CENPO: variants seen among roughly 807,000 people sequenced by gnomAD.
The protein encoded by CENPO is centromeric protein O.
In CENPO, 30 loss-of-function variants were observed where a neutral mutation model predicts 36.1. The observed-to-expected ratio is 0.83, with a 90% CI of 0.62 to 1.13. The LOEUF (loss-of-function observed/expected upper bound fraction) is 1.13, where lower values mean the gene tolerates loss of function less well. CENPO is among the 50% of genes most tolerant of loss of function. The probability of loss-of-function intolerance (pLI) is 0.00; values close to 1 mark genes in which losing one functional copy is unlikely to be tolerated. For synonymous variants in CENPO, 171 were observed against 142.3 expected, an observed-to-expected ratio of 1.20 and a Z score of -1.44; for missense variants, 349 against 357.8, an observed-to-expected ratio of 0.98 and a Z score of 0.20.
chr2:24,801,271 G>T (rs1666155221), intron 3 of CENPO, among the ~76,000 whole-genome samples: 1 of 152,194 alleles, frequency 6.6e-6, no homozygotes, highest in Non-Finnish European at 1.5e-5. Context: ...CTCCCATTCT[G>T]TAGGTTGCCT....
intron 3 of CENPO, among the ~76,000 whole-genome samples, chr2:24,804,892 G>C (rs1666317306): frequency 6.6e-6 from 1 of 152,196 alleles, no homozygotes; most frequent in South Asian, 2.1e-4. Flanking sequence ...GTTTGGGGAA[G>C]TTCTCCTGGA....
intron 3 of CENPO, 103 bp downstream of exon 3, chr2:24,799,947 AT>A (rs1666089017): frequency 1.6e-6 from 2 of 1,280,500 alleles, no homozygotes; most frequent in Non-Finnish European, 2.2e-6. Flanking sequence ...TTTACTTGTG[AT>A]CTTACTGGAT....
Position 24,819,753 on chromosome 2 carries a change from A to G in CENPO, c.*435A>G, listed in dbSNP as rs7945. On this transcript the variant is annotated 3_prime_UTR_variant, in exon 8 of 8. Coordinates refer to ENST00000380834, the MANE Select transcript of CENPO (RefSeq NM_001322101.2). The stretch of plus-strand genomic sequence containing the variant: ...CCTATGCTGGGGACACTACAGGCAC[A>G]CACAGGAATAGCAGGGCCACCCTCA... The G allele has an allele frequency of 0.19, 125,446 of 652,184 alleles. 13,543 individuals carry two copies. Among genetic ancestry groups the G allele is most frequent in the Non-Finnish European group, 0.23 (85,390 of 379,092 alleles). 40.4% of individuals were successfully genotyped at this position (652,184 alleles called of 1,614,324 possible). A position where few individuals can be genotyped will look rare whatever the true frequency, so the allele number is the denominator to read the frequency against.
chr2:24,817,483 T>G (rs1667001764), intron 6 of CENPO, among the ~76,000 whole-genome samples, 187 bp from the exon 7 acceptor site: 2 of 39,572 alleles, frequency 5.1e-5, no homozygotes, highest in African/African-American at 1.4e-4. Flanking sequence ...AAAAGCTGTA[T>G]GGGTCCAGTG....
In CENPO at chr2:24,816,794, C is replaced by G. The variant is rs1239451862; in HGVS notation, c.743C>G (p.Thr248Ser). The stretch of plus-strand genomic sequence containing the variant: ...AAGGACCTCACAGCAACTCTTCCCA[C>G]TGACGTCACCGTGACATGTCAAGGT... ...LYKDLTATLPTDVTVTCQGVE... is the reference protein window; with the variant it reads ...LYKDLTATLPSDVTVTCQGVE... The change falls in exon 6 of 8, where the codon ACT (threonine) becomes AGT (serine). Residue 248 changes from threonine (T) to serine (S), a missense_variant. Physicochemically the swap from Thr to Ser is moderately conservative, Grantham distance 58. Transcript: ENST00000380834. 2 of 1,604,726 alleles carry G rather than the reference C, an allele frequency of 1.2e-6. No homozygotes were observed. The highest frequency in any genetic ancestry group is 1.7e-6 in the Non-Finnish European group (2 of 1,175,808).
chr2:24,812,335 C>T (rs184600961), intron 3 of CENPO, among the ~76,000 whole-genome samples: 183 of 151,616 alleles, frequency 1.2e-3, no homozygotes, highest in Admixed American at 9.8e-4. Context: ...TCTTTTTCTT[C>T]GGGCTTAAGA....
intron 3 of CENPO, 91 bp downstream of exon 3, chr2:24,799,935 G>T (rs536798407): frequency 2.2e-6 from 3 of 1,372,786 alleles, no homozygotes; most frequent in Non-Finnish European, 3.1e-6. Flanking sequence ...TTTATAATGT[G>T]TTTTACTTGT....
At chr2:24,804,991 A>G (rs997728097) in intron 3 of CENPO, among the ~76,000 whole-genome samples, 1 of 152,206 alleles carries the variant, frequency 6.6e-6, no homozygotes, top group Non-Finnish European at 1.5e-5. Context: ...GTCTTTTCAC[A>G]TAGTCCCATA....
At chr2:24,814,259 C>T (rs1666834298) in intron 3 of CENPO, 117 bp from the exon 4 acceptor site, 1 of 699,552 alleles carries the variant, frequency 1.4e-6, no homozygotes, top group African/African-American at 1.8e-5. Flanking sequence ...GCCACTGTAG[C>T]ATTTCTTGAT....
chr2:24,807,735 A>T (rs988802057), intron 3 of CENPO, among the ~76,000 whole-genome samples: 1 of 152,258 alleles, frequency 6.6e-6, no homozygotes, highest in Non-Finnish European at 1.5e-5. Context: ...TGATTGTACC[A>T]GTTTTACATT....
chr2:24,798,330 G>T (rs901703388), intron 2 of CENPO, among the ~76,000 whole-genome samples: 1 of 152,048 alleles, frequency 6.6e-6, no homozygotes, highest in Non-Finnish European at 1.5e-5. Context: ...ACTTGAGCGT[G>T]TGTGGAAGGG....
At position 24,821,583 on chromosome 2, in the gene CENPO, G is replaced by A; in HGVS notation, c.*2265G>A. ...TTGGTGAGCGTATCCTTCATGGCCA[G>A]CGCGAAGTCGGCCAGGTCAGCCAGG... On this transcript the variant is annotated 3_prime_UTR_variant, in exon 8 of 8. Coordinates refer to ENST00000380834, the MANE Select transcript of CENPO (RefSeq NM_001322101.2). 1 of 1,614,152 alleles carries A rather than the reference G, an allele frequency of 6.2e-7. No homozygotes were observed. The highest frequency in any genetic ancestry group is 8.5e-7 in the Non-Finnish European group (1 of 1,180,010).
intron 3 of CENPO, among the ~76,000 whole-genome samples, chr2:24,802,664 C>T (rs2148262033): frequency 6.6e-6 from 1 of 152,320 alleles, no homozygotes; most frequent in East Asian, 1.9e-4. Context: ...AGCCTTGCAT[C>T]CCAGGGATGA....
intron 3 of CENPO, among the ~76,000 whole-genome samples, chr2:24,800,595 C>A (rs570651284): frequency 6.6e-6 from 1 of 151,052 alleles, no homozygotes; most frequent in Non-Finnish European, 1.5e-5. Flanking sequence ...TTTGTCCTTG[C>A]GATAGTTTGC....
At chr2:24,808,237 G>A (rs34294368) in intron 3 of CENPO, among the ~76,000 whole-genome samples, 48,375 of 151,466 alleles carry the variant, frequency 0.32, 9,611 homozygotes, top group East Asian at 0.59. Context: ...TTGTTTTTGA[G>A]ACAGAGTCTC....
Position 24,799,767 on chromosome 2 carries a change from G to A in CENPO, c.139G>A (p.Ala47Thr). The A allele has an allele frequency of 6.2e-7, 1 of 1,614,052 alleles. No homozygotes were observed. Reference protein sequence around the residue: ...ELQSVQAQEGALGTKIHKLRR... With the variant: ...ELQSVQAQEGTLGTKIHKLRR... ...GCAGAGCGTGCAGGCCCAGGAAGGT[G>A]CTCTTGGAACCAAGATTCATAAACT... Residue 47 changes from alanine (A) to threonine (T), a missense_variant, in exon 3 of 8, where the codon GCT becomes ACT. By Grantham distance (58) the Ala-to-Thr change is moderately conservative. Transcript: ENST00000380834.
chr2:24,820,714 C>CT lies in CENPO; in HGVS notation c.*1397dup. ...GTCTGAGCACGTGCCAGCTGTGCCACTGGACATACCTGAATGTTGCCCATG... is the reference window on the plus strand; with the variant it reads ...GTCTGAGCACGTGCCAGCTGTGCCACTTGGACATACCTGAATGTTGCCCATG... On this transcript the variant is annotated 3_prime_UTR_variant, in exon 8 of 8. Coordinates refer to ENST00000380834, the MANE Select transcript of CENPO (RefSeq NM_001322101.2). The CT allele has an allele frequency of 6.2e-7, 1 of 1,613,928 alleles. No homozygotes were observed. The highest frequency in any genetic ancestry group is 8.5e-7 in the Non-Finnish European group (1 of 1,179,886).
intron 2 of CENPO, among the ~76,000 whole-genome samples, chr2:24,795,966 T>TA (rs1665880907): frequency 6.6e-6 from 1 of 152,230 alleles, no homozygotes. Flanking sequence ...TTCTCACGAT[T>TA]ATTATTGCGG....
intron 3 of CENPO, among the ~76,000 whole-genome samples, chr2:24,804,472 TC>T (rs1666294057): frequency 6.6e-6 from 1 of 152,200 alleles, no homozygotes; most frequent in African/African-American, 2.4e-5. Context: ...TACCGGTTGT[TC>T]CTTTCCACGT....
Sources: allele counts gnomAD v4.1 joint callset (sites outside exome capture counted in the v4.1 genomes callset), GRCh38; gene constraint gnomAD v4.1.1; transcripts MANE v1.5; gene names NCBI Gene and HGNC (gene_info 2026-07-23, HGNC 2026-07-21).